Variants in RAPGEFL1 observed in about 807,000 individuals in gnomAD.
The protein encoded by RAPGEFL1 is Rap guanine nucleotide exchange factor like 1, also known as rap guanine nucleotide exchange factor-like 1.
RAPGEFL1 carries 31 observed loss-of-function variants against 64.4 expected under a neutral mutation model. The ratio of observed to expected loss-of-function variants is 0.48; its 90% CI spans 0.36 to 0.65. The LOEUF is 0.65. RAPGEFL1 is among the 30% of genes least tolerant of loss of function. RAPGEFL1 has a pLI of 0.00. For missense variants in RAPGEFL1, 682 were observed against 677.4 expected (o/e 1.01, Z -0.08); for synonymous variants, 331 against 274.1 (o/e 1.21, Z -2.05).
At chr17:40,190,616 C>A in intron 7 of RAPGEFL1, 24 bp from the exon 8 acceptor site, 5 of 1,613,986 alleles carry the variant, frequency 3.1e-6, no homozygotes, top group Non-Finnish European at 4.2e-6. Flanking sequence ...GGAGCCCAGC[C>A]CCTATGCCCC....
In RAPGEFL1 at chr17:40,178,127, CG is replaced by C; in HGVS notation, c.271del (p.Val91SerfsTer47). ...CCTGAGGAGGAAGGAGGAGAGCCGG[CG>C]GGGGTCGCGGAGGAGCCGGGCAGCG... ...PPPEEEGGEPAGVAEEPGSGG... is the reference protein window; with the variant it reads ...PPPEEEGGEPXGVAEEPGSGG... On this transcript the variant is annotated frameshift_variant, in exon 1 of 15. Coordinates refer to ENST00000620260, the MANE Select transcript of RAPGEFL1 (RefSeq NM_016339.6). LOFTEE classifies it high-confidence loss of function. The C allele has an allele frequency of 1.8e-6, 1 of 551,300 alleles. No individual in the cohort carries two copies. The highest frequency in any genetic ancestry group is 3.2e-6 in the Non-Finnish European group (1 of 312,484). 34.2% of individuals were successfully genotyped at this position (551,300 alleles called of 1,614,324 possible). A position where few individuals can be genotyped will look rare whatever the true frequency, so the allele number is the denominator to read the frequency against.
Position 40,187,912 on chromosome 17 carries a change from C to T in RAPGEFL1, c.834-954C>T, listed in dbSNP as rs866941308. On this transcript the variant is annotated intron_variant, in intron 4 of 14. Transcript: ENST00000620260. ...ACAGGCGTGAGCCACCGCGCCTGGC[C>T]TTTTTTTTTTTTTTTTTTTTTTGAG... 2.2e-3 allele frequency among the ~76,000 whole-genome samples: 271 copies of T among 125,166 alleles called. 1 individual carries two copies. Among genetic ancestry groups the T allele is most frequent in the African/African-American group, 8.0e-3 (257 of 32,302 alleles). The allele number at this position is 125,166 out of a possible 152,430, so 82.1% of individuals were successfully genotyped here. A position where few individuals can be genotyped will look rare whatever the true frequency, so the allele number is the denominator to read the frequency against.
Position 40,184,196 on chromosome 17 carries a change from TCTTAA to T in RAPGEFL1, c.600-12_600-8del, listed in dbSNP as rs762652985. The T allele has an allele frequency of 4.4e-6, 7 of 1,576,318 alleles. No homozygotes were observed. The East Asian group carries it at 6.7e-5, about 15-fold the overall frequency. ...TCAGGTCTGCTTGCGTAGGGATTTT[TCTTAA>T]CTTAAGGGTCAGCTTTGTTCGGGCA... On this transcript the variant is annotated splice_polypyrimidine_tract_variant and intron_variant, in intron 2 of 14. Coordinates refer to ENST00000620260, the MANE Select transcript of RAPGEFL1 (RefSeq NM_016339.6).
chr17:40,186,842 C>T (rs988836399), intron 4 of RAPGEFL1, among the ~76,000 whole-genome samples: 6 of 147,658 alleles, frequency 4.1e-5, no homozygotes, highest in African/African-American at 1.0e-4. Flanking sequence ...TACAGTGAGC[C>T]GAGATTGCAG....
chr17:40,181,561 A>C (rs1462443537), intron 1 of RAPGEFL1, 55 bp from the exon 2 acceptor site: 2 of 699,596 alleles, frequency 2.9e-6, no homozygotes, highest in Non-Finnish European at 5.2e-6. Flanking sequence ...CTGCATTTCC[A>C]GTTTCGTTCT....
chr17:40,191,158 C>G lies in RAPGEFL1; in HGVS notation c.1336-158C>G. 2.9e-6 allele frequency: 2 copies of G among 683,040 alleles called. No homozygotes were observed. Among genetic ancestry groups the G allele is most frequent in the Non-Finnish European group, 4.7e-6 (2 of 422,352 alleles). 42.3% of individuals were successfully genotyped at this position (683,040 alleles called of 1,614,324 possible). A position where few individuals can be genotyped will look rare whatever the true frequency, so the allele number is the denominator to read the frequency against. On this transcript the variant is annotated intron_variant, in intron 8 of 14. Coordinates refer to ENST00000620260, the MANE Select transcript of RAPGEFL1 (RefSeq NM_016339.6). This position sits in a 1 kb window ranked among gnomAD's most constrained non-coding sequence, Gnocchi z 5.1. ...TAATGCTGGTTGTTTTCTTTTTCCG[C>G]ATCTTTGCCGCCTCCTGTCCTTTCT...
In RAPGEFL1 at chr17:40,188,909, C is replaced by T. The variant is rs746977137; in HGVS notation, c.877C>T (p.Leu293Phe). The change falls in exon 5 of 15, where the codon CTC (leucine) becomes TTC (phenylalanine). Residue 293 changes from leucine (L) to phenylalanine (F), a missense_variant. Around this residue, in one of 2 missense-constraint regions of RAPGEFL1, gnomAD observed 411 missense variants for 519.4 expected, o/e 0.79. Transcript: ENST00000620260. Reference protein sequence around the residue: ...NQPPSKQVKPLFRHFRRIDSC... With the variant: ...NQPPSKQVKPFFRHFRRIDSC... Reference sequence around the variant, plus strand: ...GCCACCCAGCAAGCAGGTGAAGCCACTCTTCCGCCACTTCCGCCGGATAGA... The same window carrying T: ...GCCACCCAGCAAGCAGGTGAAGCCATTCTTCCGCCACTTCCGCCGGATAGA... 3.1e-6 allele frequency: 5 copies of T among 1,614,106 alleles called. No homozygotes were observed. Among genetic ancestry groups the T allele is most frequent in the Middle Eastern group, 1.6e-4 (1 of 6,084 alleles).
upstream of RAPGEFL1, chr17:40,177,334 A>G (rs765858023): frequency 2.2e-5 from 15 of 696,160 alleles, no homozygotes; most frequent in South Asian, 1.0e-4. Context: ...TTAGAACCCA[A>G]GTCCCTTACT....
At chr17:40,187,981 C>A (rs1343520670) in intron 4 of RAPGEFL1, among the ~76,000 whole-genome samples, 1 of 137,116 alleles carries the variant, frequency 7.3e-6, no homozygotes. Flanking sequence ...ATGGCGTGAT[C>A]TCAACTCACT....
intron 1 of RAPGEFL1, among the ~76,000 whole-genome samples, chr17:40,178,589 C>G (rs1162407238): frequency 6.6e-6 from 1 of 152,208 alleles, no homozygotes; most frequent in Non-Finnish European, 1.5e-5. Flanking sequence ...CAGCCTCACC[C>G]TCGTCTGGAG....
In RAPGEFL1 at chr17:40,177,859, G is replaced by GT. The variant is rs1989763447; in HGVS notation, c.-3_-2insT. Reference sequence around the variant, plus strand: ...GACCCCTAGGAGAGGGGCGGGGGGGGGCATGAAGCCGCTGGAGAAATTTCT... The same window carrying GT: ...GACCCCTAGGAGAGGGGCGGGGGGGGTGCATGAAGCCGCTGGAGAAATTTCT... On this transcript the variant is annotated 5_prime_UTR_variant, in exon 1 of 15. Coordinates refer to ENST00000620260, the MANE Select transcript of RAPGEFL1 (RefSeq NM_016339.6). The GT allele has an allele frequency of 2.3e-6, 1 of 428,782 alleles. No homozygotes were observed. The highest frequency in any genetic ancestry group is 2.1e-5 in the African/African-American group (1 of 48,718). 26.6% of individuals were successfully genotyped at this position (428,782 alleles called of 1,614,324 possible).
chr17:40,180,742 C>A (rs1044022435), intron 1 of RAPGEFL1, among the ~76,000 whole-genome samples: 2 of 152,212 alleles, frequency 1.3e-5, no homozygotes, highest in Non-Finnish European at 2.9e-5. Flanking sequence ...TCCTCCTCCG[C>A]CTGCATGGCT....
intron 6 of RAPGEFL1, 122 bp downstream of exon 6, chr17:40,189,497 A>C (rs1260806193): frequency 8.8e-7 from 1 of 1,139,376 alleles, no homozygotes; most frequent in East Asian, 2.4e-5. Flanking sequence ...TCCCGGGACA[A>C]GCCTCATGTG....
At chr17:40,177,450 G>A (rs1214339435), upstream of RAPGEFL1, 4 of 649,162 alleles carry the variant, frequency 6.2e-6, no homozygotes, top group Non-Finnish European at 1.1e-5. Context: ...GGAGGAGGGG[G>A]CGCGGTCTCG....
At chr17:40,179,153 A>C (rs79692520) in intron 1 of RAPGEFL1, among the ~76,000 whole-genome samples, 1 of 149,846 alleles carries the variant, frequency 6.7e-6, no homozygotes, top group Non-Finnish European at 1.5e-5. Context: ...TGCAACCTCC[A>C]CCGCCCAGGT....
intron 1 of RAPGEFL1, among the ~76,000 whole-genome samples, chr17:40,180,096 C>T (rs2145200509): frequency 6.6e-6 from 1 of 152,344 alleles, no homozygotes; most frequent in East Asian, 1.9e-4. Flanking sequence ...TCTTACTCTT[C>T]CTTTGCTCCA....
chr17:40,184,634 G>T lies in RAPGEFL1; in HGVS notation c.789G>T (p.Glu263Asp). Residue 263 changes from glutamate (E) to aspartate (D), a missense_variant, in exon 4 of 15, where the codon GAG becomes GAT. Glu to Asp is a conservative substitution (Grantham distance 45). Coordinates refer to ENST00000620260, the MANE Select transcript of RAPGEFL1 (RefSeq NM_016339.6). ...KDESLYQGLR[E>D]DTLRLHQLVE... ...AGTCCCTTTACCAGGGCCTCCGAGAGGACACTCTGAGGCTGCACCAGCTGG... is the reference window on the plus strand; with the variant it reads ...AGTCCCTTTACCAGGGCCTCCGAGATGACACTCTGAGGCTGCACCAGCTGG... 6.3e-7 allele frequency: 1 copy of T among 1,594,680 alleles called. No individual in the cohort carries two copies. The highest frequency in any genetic ancestry group is 2.2e-5 in the East Asian group (1 of 44,578).
At chr17:40,181,227 A>G (rs1248885050) in intron 1 of RAPGEFL1, 3 of 444,838 alleles carry the variant, frequency 6.7e-6, no homozygotes, top group Non-Finnish European at 1.4e-5. Flanking sequence ...CACAGTCCCC[A>G]CTGATGCTAA....
intron 2 of RAPGEFL1, among the ~76,000 whole-genome samples, chr17:40,183,518 CTTTTT>C (rs760848897): frequency 4.6e-5 from 6 of 130,156 alleles, no homozygotes; most frequent in South Asian, 2.5e-4. Flanking sequence ...CTTTTCTTTT[CTTTTT>C]TTTTTTTTTT....
Sources: gnomAD v4.1 joint callset for allele counts (sites outside exome capture counted in the v4.1 genomes callset) on GRCh38, gnomAD v4.1.1 for gene constraint, gnomAD v4.1.1 regional missense constraint, Gnocchi (gnomAD v3.1) non-coding constraint, MANE v1.5 for transcripts, NCBI Gene and HGNC (gene_info 2026-07-23, HGNC 2026-07-21) for gene names.